IGF1R: variants seen among roughly 807,000 people sequenced by gnomAD.
IGF1R encodes insulin like growth factor 1 receptor, also known as insulin-like growth factor 1 receptor.
In IGF1R, 44 loss-of-function variants were observed where a neutral mutation model predicts 144.6. The observed-to-expected ratio is 0.30, with a 90% CI of 0.24 to 0.39. The LOEUF is 0.39. Ranked by LOEUF, IGF1R falls within the 10% of genes least tolerant of loss-of-function variation. The probability of loss-of-function intolerance (pLI) is 1.00; values close to 1 mark genes in which losing one functional copy is unlikely to be tolerated. For synonymous variants in IGF1R, 795 were observed against 722.8 expected (o/e 1.10, Z -1.60); for missense variants, 1,355 against 1,833.7 (o/e 0.74, Z 4.77).
At position 98,658,735 on chromosome 15, in the gene IGF1R, C is replaced by T. The variant is rs370655029; in HGVS notation, c.94+9060C>T. ...GATTTCCCTAACTTGTATAGATCTA[C>T]TTTCCCATTACTCCTTTTGAGTTCA... On this transcript the variant is annotated intron_variant, in intron 1 of 20. Transcript: ENST00000650285. Among the ~76,000 whole-genome samples, 8 of 152,300 alleles carry T rather than the reference C, an allele frequency of 5.3e-5. No homozygotes were observed. In the East Asian group the frequency reaches 1.5e-3, roughly 29 times the overall value.
intron 1 of IGF1R, among the ~76,000 whole-genome samples, chr15:98,675,768 T>G (rs2053020521): frequency 1.3e-5 from 2 of 150,294 alleles, no homozygotes; most frequent in South Asian, 4.2e-4. Context: ...CATTGTGCTG[T>G]TTTTTTTCTT....
intron 2 of IGF1R, among the ~76,000 whole-genome samples, chr15:98,754,636 TG>T (rs1256463923): frequency 2.6e-5 from 4 of 152,214 alleles, no homozygotes; most frequent in African/African-American, 9.7e-5. Context: ...AGGCAGCTCT[TG>T]GAAACCACAG....
rs778593786 is a variant in IGF1R, at chr15:98,935,223, A to G, written c.3187-93A>G. The stretch of plus-strand genomic sequence containing the variant: ...ACCTTCAGACCCCTGTGCTCAGACC[A>G]GGCCGCAGCACCACAGAGACAGTTC... On this transcript the variant is annotated intron_variant, in intron 16 of 20. Transcript: ENST00000650285. This position sits in a 1 kb window ranked among gnomAD's most constrained non-coding sequence, Gnocchi z 4.2. 1 of 1,003,136 alleles carries G rather than the reference A, an allele frequency of 1.0e-6. No homozygotes were observed. The highest frequency in any genetic ancestry group is 1.5e-6 in the Non-Finnish European group (1 of 647,424). 62.1% of individuals were successfully genotyped at this position (1,003,136 alleles called of 1,614,324 possible).
intron 1 of IGF1R, among the ~76,000 whole-genome samples, chr15:98,694,517 G>C (rs998781909): frequency 2.0e-5 from 3 of 151,568 alleles, no homozygotes; most frequent in Admixed American, 2.0e-4. Context: ...AGCCTCCAGC[G>C]CTCCTGGGCC....
At chr15:98,881,602 C>T (rs1417432086) in intron 2 of IGF1R, among the ~76,000 whole-genome samples, 5 of 152,270 alleles carry the variant, frequency 3.3e-5, no homozygotes, top group Non-Finnish European at 5.9e-5. Context: ...GGATTACAGG[C>T]GTGAGCCACT....
intron 2 of IGF1R, among the ~76,000 whole-genome samples, chr15:98,871,554 A>C (rs2012786209): frequency 1.3e-5 from 2 of 152,224 alleles, no homozygotes; most frequent in South Asian, 4.1e-4. Context: ...GACATACTCA[A>C]GACTGGGCAA....
At chr15:98,675,006 C>G (rs1461199983) in intron 1 of IGF1R, among the ~76,000 whole-genome samples, 7 of 69,080 alleles carry the variant, frequency 1.0e-4, no homozygotes, top group African/African-American at 4.6e-4. Context: ...TTTTTTGAGA[C>G]AAAGTCTTGC....
rs911001168 is a variant in IGF1R at position 98,962,815 on chromosome 15, C to T, written c.*5373C>T. The T allele has an allele frequency of 2.1e-5, 5 of 233,586 alleles. No homozygotes were observed. Among genetic ancestry groups the T allele is most frequent in the African/African-American group, 8.8e-5 (4 of 45,354 alleles). 14.5% of individuals were successfully genotyped at this position (233,586 alleles called of 1,614,324 possible). A position where few individuals can be genotyped will look rare whatever the true frequency, so the allele number is the denominator to read the frequency against. ...GGTTTCAACAAAGAAACCTAACATC[C>T]TACTCTGGAAACTGATCTCGGAGTT... On this transcript the variant is annotated 3_prime_UTR_variant, in exon 21 of 21. Transcript: ENST00000650285.
intron 20 of IGF1R, among the ~76,000 whole-genome samples, chr15:98,949,257 C>T (rs1207912719): frequency 1.1e-4 from 16 of 152,118 alleles, no homozygotes; most frequent in Non-Finnish European, 2.2e-4. Context: ...AGTCATAAAC[C>T]ATCTAAGTAA....
chr15:98,867,154 G>GGAGAGAGAGAGA lies in IGF1R; in HGVS notation c.641-24152_641-24141dup, dbSNP rs60863950. The stretch of plus-strand genomic sequence containing the variant: ...CTTCCTTGTGCCAGGAGAGAAAGGG[G>GGAGAGAGAGAGA]GAGAGAGAGAGAGAGAGAGAGAGAG... On this transcript the variant is annotated intron_variant, in intron 2 of 20. Transcript: ENST00000650285. 5.9e-4 allele frequency among the ~76,000 whole-genome samples: 87 copies of GGAGAGAGAGAGA among 146,236 alleles called. 1 individual carries two copies. The highest frequency in any genetic ancestry group is 2.1e-3 in the African/African-American group (82 of 39,478).
At chr15:98,930,183 A>G (rs1218188257) in intron 14 of IGF1R, 52 bp from the exon 15 acceptor site, 3 of 1,202,186 alleles carry the variant, frequency 2.5e-6, no homozygotes, top group Non-Finnish European at 3.7e-6. Context: ...AAGTATATAC[A>G]GGAATGTATG....
At chr15:98,778,295 G>A (rs1442359275) in intron 2 of IGF1R, among the ~76,000 whole-genome samples, 1 of 152,202 alleles carries the variant, frequency 6.6e-6, no homozygotes, top group Admixed American at 6.5e-5. Flanking sequence ...ATCTGTCTTT[G>A]TGGGCATCAT....
At chr15:98,864,130 C>G (rs892356709) in intron 2 of IGF1R, among the ~76,000 whole-genome samples, 11 of 152,090 alleles carry the variant, frequency 7.2e-5, no homozygotes, top group African/African-American at 2.4e-4. Context: ...TAGCATGCAC[C>G]TGTGGTCCCA....
At chr15:98,770,756 G>A (rs980254492) in intron 2 of IGF1R, among the ~76,000 whole-genome samples, 3 of 152,010 alleles carry the variant, frequency 2.0e-5, no homozygotes, top group Non-Finnish European at 2.9e-5. Context: ...GGTCCCTCCC[G>A]CTCCCTGCCG....
At chr15:98,726,631 T>A (rs146470479) in intron 2 of IGF1R, among the ~76,000 whole-genome samples, 73 of 152,216 alleles carry the variant, frequency 4.8e-4, no homozygotes, top group African/African-American at 1.7e-3. Flanking sequence ...ATAAAACAGC[T>A]TGTTTCTGAA....
intron 14 of IGF1R, among the ~76,000 whole-genome samples, 158 bp from the exon 15 acceptor site, chr15:98,930,077 G>C (rs2015880011): frequency 6.6e-6 from 1 of 152,238 alleles, no homozygotes; most frequent in Non-Finnish European, 1.5e-5. Context: ...CCTGAATTGG[G>C]AGTGTAGACA....
chr15:98,888,329 A>G (rs974782977), intron 2 of IGF1R, among the ~76,000 whole-genome samples: 1 of 152,182 alleles, frequency 6.6e-6, no homozygotes, highest in African/African-American at 2.4e-5. Flanking sequence ...AAATTGGAAT[A>G]CCCAATTGCA....
At chr15:98,936,134 A>G (rs557957582) in intron 17 of IGF1R, among the ~76,000 whole-genome samples, 1 of 152,198 alleles carries the variant, frequency 6.6e-6, no homozygotes, top group South Asian at 2.1e-4. Context: ...TGCCACTGGG[A>G]ATCTGGTTTC....
In IGF1R at chr15:98,787,833, T is replaced by G. The variant is rs184597237; in HGVS notation, c.640+79726T>G. 3.7e-4 allele frequency among the ~76,000 whole-genome samples: 57 copies of G among 152,304 alleles called. 1 individual carries two copies. The highest frequency in any genetic ancestry group is 1.1e-3 in the African/African-American group (44 of 41,564). Reference sequence around the variant, plus strand: ...TGTCTGGTAGGGACATGTGTCTGCTTTTTGAATCAGTCGTATATGTTTTTG... The same window carrying G: ...TGTCTGGTAGGGACATGTGTCTGCTGTTTGAATCAGTCGTATATGTTTTTG... On this transcript the variant is annotated intron_variant, in intron 2 of 20. Coordinates refer to ENST00000650285, the MANE Select transcript of IGF1R (RefSeq NM_000875.5).
Sources: gnomAD v4.1 joint callset for allele counts (sites outside exome capture counted in the v4.1 genomes callset) on GRCh38, gnomAD v4.1.1 for gene constraint, Gnocchi (gnomAD v3.1) non-coding constraint, MANE v1.5 for transcripts, NCBI Gene and HGNC (gene_info 2026-07-23, HGNC 2026-07-21) for gene names.